The following GPHN variants were observed in gnomAD, a reference collection of about 807,000 sequenced individuals.
GPHN encodes the protein gephyrin.
In GPHN, 17 loss-of-function variants were observed where a neutral mutation model predicts 95.5. The observed-to-expected ratio is 0.18, with a 90% CI of 0.12 to 0.27. The LOEUF (loss-of-function observed/expected upper bound fraction) is 0.27. Ranked by LOEUF, GPHN falls within the 10% of genes least tolerant of loss-of-function variation. GPHN has a pLI of 1.00. For synonymous variants in GPHN, 320 were observed against 322.5 expected (o/e 0.99, Z 0.08); for missense variants, 660 against 978.1 (o/e 0.67, Z 4.34).
chr14:67,629,243 G>C, the GPHN span, among the ~76,000 whole-genome samples: 1 of 152,174 alleles, frequency 6.6e-6, no homozygotes, highest in South Asian at 2.1e-4. Flanking sequence ...GGCTGAGGCA[G>C]GAGTATTGCT....
intron 4 of GPHN, among the ~76,000 whole-genome samples, chr14:66,862,771 A>G (rs2153522213): frequency 6.6e-6 from 1 of 152,278 alleles, no homozygotes; most frequent in East Asian, 1.9e-4. Flanking sequence ...CTAAAATTCA[A>G]ACTTGCTGCA....
At chr14:66,557,279 AGAT>A (rs2060046588) in intron 1 of GPHN, among the ~76,000 whole-genome samples, 1 of 150,936 alleles carries the variant, frequency 6.6e-6, no homozygotes, top group South Asian at 2.1e-4. Flanking sequence ...ATAGATAGAT[AGAT>A]AGAATGAATT....
At chr14:67,035,604 C>G (rs2074383961) in intron 10 of GPHN, among the ~76,000 whole-genome samples, 1 of 151,690 alleles carries the variant, frequency 6.6e-6, no homozygotes, top group Non-Finnish European at 1.5e-5. Context: ...AATTATATGC[C>G]AACAAATTGA....
chr14:66,889,250 A>G (rs990023202), intron 5 of GPHN, among the ~76,000 whole-genome samples: 5 of 152,162 alleles, frequency 3.3e-5, no homozygotes, highest in African/African-American at 1.2e-4. Flanking sequence ...CCAACTAGAT[A>G]CAACCCACAT....
chr14:67,461,428 T>C, the GPHN span, among the ~76,000 whole-genome samples: 2 of 152,176 alleles, frequency 1.3e-5, no homozygotes, highest in Admixed American at 6.5e-5. Flanking sequence ...ACATGGAGCA[T>C]AAACAGCCAC....
intron 1 of GPHN, among the ~76,000 whole-genome samples, chr14:66,619,501 T>TTA (rs1555362323): frequency 6.6e-6 from 1 of 151,780 alleles, no homozygotes; most frequent in African/African-American, 2.4e-5. Flanking sequence ...TTTTTTTTTT[T>TTA]ACCATATGTA....
At chr14:66,645,653 T>G (rs2064700590) in intron 1 of GPHN, among the ~76,000 whole-genome samples, 1 of 149,886 alleles carries the variant, frequency 6.7e-6, no homozygotes, top group African/African-American at 2.5e-5. Context: ...GATCATGCCA[T>G]TATACTCCAG....
intron 1 of GPHN, among the ~76,000 whole-genome samples, chr14:66,658,278 A>C (rs539442046): frequency 6.6e-6 from 1 of 152,276 alleles, no homozygotes; most frequent in South Asian, 2.1e-4. Context: ...TAATCAAAGA[A>C]AGGTGTTCCT....
At chr14:67,723,586 T>C in the GPHN span, among the ~76,000 whole-genome samples, 1 of 152,210 alleles carries the variant, frequency 6.6e-6, no homozygotes, top group Admixed American at 6.5e-5. Context: ...AAGGACAGTG[T>C]TATTCTAGGT....
At chr14:66,554,202 C>G (rs761017832) in intron 1 of GPHN, among the ~76,000 whole-genome samples, 5 of 152,014 alleles carry the variant, frequency 3.3e-5, no homozygotes, top group Middle Eastern at 3.2e-3. Context: ...CATATGTGAT[C>G]AAGGGCAGAG....
chr14:67,567,951 CA>C, the GPHN span, among the ~76,000 whole-genome samples: 1 of 152,174 alleles, frequency 6.6e-6, no homozygotes, highest in African/African-American at 2.4e-5. Context: ...CAGTCAGGGC[CA>C]TTAGGAAAAG....
intron 10 of GPHN, among the ~76,000 whole-genome samples, chr14:67,036,358 C>T (rs529698211): frequency 3.3e-4 from 50 of 150,022 alleles, no homozygotes; most frequent in Admixed American, 1.1e-3. Flanking sequence ...TAGTATAATA[C>T]TGGAAGTTCT....
At chr14:67,495,486 AT>A in the GPHN span, among the ~76,000 whole-genome samples, 148 of 144,114 alleles carry the variant, frequency 1.0e-3, no homozygotes, top group Middle Eastern at 3.6e-3. Flanking sequence ...AGCCTTCTGG[AT>A]TTTTTTTTTT....
intron 11 of GPHN, among the ~76,000 whole-genome samples, chr14:67,086,447 C>T (rs2076888056): frequency 6.6e-6 from 1 of 151,628 alleles, no homozygotes; most frequent in East Asian, 1.9e-4. Flanking sequence ...GTCAGGAGAT[C>T]GAGACCATCC....
intron 8 of GPHN, among the ~76,000 whole-genome samples, chr14:66,941,063 A>G (rs1283127798): frequency 6.6e-6 from 1 of 151,900 alleles, no homozygotes; most frequent in East Asian, 2.0e-4. Flanking sequence ...ATTGCTCAGA[A>G]CTAGAATATT....
At chr14:67,259,339 G>A in the GPHN span, among the ~76,000 whole-genome samples, 1 of 151,778 alleles carries the variant, frequency 6.6e-6, no homozygotes, top group African/African-American at 2.4e-5. Context: ...GGCTGGGGGC[G>A]GTGGCTCACA....
At chr14:66,731,818 T>G (rs2153434234) in intron 2 of GPHN, among the ~76,000 whole-genome samples, 1 of 152,238 alleles carries the variant, frequency 6.6e-6, no homozygotes, top group East Asian at 1.9e-4. Flanking sequence ...AAAAAATGGT[T>G]TCGTGGGCTG....
chr14:66,884,253 ATTAAGAGCTGTTAT>A lies in GPHN; in HGVS notation c.389+4222_389+4235del, dbSNP rs920121585. Among the ~76,000 whole-genome samples, 12 of 152,148 alleles carry A rather than the reference ATTAAGAGCTGTTAT, an allele frequency of 7.9e-5. No homozygotes were observed. In the Middle Eastern group the frequency reaches 0.01, roughly 129 times the overall value. ...CAGCTCCACAATTAGGCCTAGCCCC[ATTAAGAGCTGTTAT>A]TCAAGTTCTGACTTCAGTCCCAAAT... On this transcript the variant is annotated intron_variant, in intron 5 of 22. Coordinates refer to ENST00000478722, the MANE Select transcript of GPHN (RefSeq NM_020806.5).
the GPHN span, among the ~76,000 whole-genome samples, chr14:67,532,298 C>T: frequency 6.6e-6 from 1 of 152,104 alleles, no homozygotes; most frequent in African/African-American, 2.4e-5. Flanking sequence ...GAGAAACAGG[C>T]GCTGATGGTA....
Sources: allele counts gnomAD v4.1 joint callset (sites outside exome capture counted in the v4.1 genomes callset), GRCh38; gene constraint gnomAD v4.1.1; transcripts MANE v1.5; gene names NCBI Gene and HGNC (gene_info 2026-07-23, HGNC 2026-07-21).